The following CDK17 variants were observed in gnomAD, a reference collection of about 807,000 sequenced individuals.
The protein encoded by CDK17 is cyclin-dependent kinase 17.
CDK17 carries 24 observed loss-of-function variants against 77.6 expected under a neutral mutation model. The observed-to-expected ratio is 0.31, with a 90% CI of 0.22 to 0.44. The LOEUF is 0.44. CDK17 is among the 20% of genes least tolerant of loss of function. The pLI, the probability that CDK17 is intolerant of heterozygous loss-of-function variation, is 1.00. For missense variants in CDK17, 429 were observed against 622.5 expected (o/e 0.69, Z 3.31); for synonymous variants, 203 against 210.4 (o/e 0.96, Z 0.30).
At chr12:96,284,334 G>A (rs12823861) in intron 13 of CDK17, 7,856 of 152,034 alleles carry the variant, frequency 0.052, 269 homozygotes, top group Non-Finnish European at 0.063. Context: ...AGGGGCAGGC[G>A]CCTGTAGTCC....
chr12:96,379,259 T>C (rs1041290633), intron 1 of CDK17, among the ~76,000 whole-genome samples: 4 of 152,154 alleles, frequency 2.6e-5, no homozygotes, highest in Admixed American at 1.3e-4. Context: ...GTTTACTGAA[T>C]TACTGTTAAA....
chr12:96,370,647 G>A (rs573828786), intron 1 of CDK17, among the ~76,000 whole-genome samples: 4 of 151,766 alleles, frequency 2.6e-5, no homozygotes, highest in South Asian at 2.1e-4. Context: ...TTCTCTCACC[G>A]GTGTACAATG....
rs1191527425 is a variant in CDK17 at position 96,279,533 on chromosome 12, T to TA, written c.*708dup. On this transcript the variant is annotated 3_prime_UTR_variant, in exon 17 of 17. Transcript: ENST00000261211. ...AGACGTTTCTAAAGTGAGGAACACATAAAAAATAAATAATTTTGGAGCTTT... is the reference window on the plus strand; with the variant it reads ...AGACGTTTCTAAAGTGAGGAACACATAAAAAAATAAATAATTTTGGAGCTTT... The TA allele has an allele frequency of 1.3e-5, 2 of 152,186 alleles. No homozygotes were observed. Among genetic ancestry groups the TA allele is most frequent in the Non-Finnish European group, 2.9e-5 (2 of 67,994 alleles). The allele number at this position is 152,186 out of a possible 1,614,324, so 9.4% of individuals were successfully genotyped here.
At chr12:96,347,591 G>GGGAA in intron 1 of CDK17, among the ~76,000 whole-genome samples, 1 of 12,700 alleles carries the variant, frequency 7.9e-5, no homozygotes, top group Admixed American at 7.0e-4. Flanking sequence ...GGGAGGGGAG[G>GGGAA]GGAAGGGAGG....
intron 2 of CDK17, among the ~76,000 whole-genome samples, chr12:96,328,898 A>G (rs577765597): frequency 3.2e-4 from 48 of 152,298 alleles, no homozygotes; most frequent in Admixed American, 1.1e-3. Flanking sequence ...CCCATGAGAG[A>G]GCCACAATAA....
At chr12:96,329,206 G>C (rs1056268322) in intron 2 of CDK17, among the ~76,000 whole-genome samples, 1 of 152,066 alleles carries the variant, frequency 6.6e-6, no homozygotes, top group Admixed American at 6.6e-5. Context: ...AAAAGTTATA[G>C]ACATGGGTAG....
At chr12:96,280,331 C>T (rs376802798) in intron 16 of CDK17, 52 bp from the exon 17 acceptor site, 2 of 1,541,892 alleles carry the variant, frequency 1.3e-6, no homozygotes, top group Non-Finnish European at 1.7e-6. Flanking sequence ...TTTTATCCCA[C>T]ATACAGTTAT....
chr12:96,352,862 A>G (rs1226251008), intron 1 of CDK17, among the ~76,000 whole-genome samples: 1 of 152,236 alleles, frequency 6.6e-6, no homozygotes, highest in Admixed American at 6.5e-5. Context: ...AATTTTTTAA[A>G]GTATTAGAGT....
intron 1 of CDK17, among the ~76,000 whole-genome samples, chr12:96,391,600 C>T (rs910247811): frequency 2.6e-5 from 4 of 152,052 alleles, no homozygotes; most frequent in Non-Finnish European, 4.4e-5. Context: ...CAGTTTTTTT[C>T]GGTTAAACCA....
chr12:96,351,185 G>A (rs1447082729), intron 1 of CDK17, among the ~76,000 whole-genome samples: 1 of 152,128 alleles, frequency 6.6e-6, no homozygotes, highest in Non-Finnish European at 1.5e-5. Context: ...AGCAGTGTCA[G>A]TGAGGATGTG....
In CDK17 at chr12:96,382,779, C is replaced by T. The variant is rs191293769; in HGVS notation, c.-30+17207G>A. On this transcript the variant is annotated intron_variant, in intron 1 of 16. Transcript: ENST00000261211. ...AAAAGCATATCATCTTCTCAACAGA[C>T]AGAGAAAAAGCTTTCGATAAAACCC... Among the ~76,000 whole-genome samples, 41 of 152,128 alleles carry T rather than the reference C, an allele frequency of 2.7e-4. 1 individual carries two copies. Among genetic ancestry groups the T allele is most frequent in the African/African-American group, 9.9e-4 (41 of 41,528 alleles).
At chr12:96,367,462 A>C (rs1014542661) in intron 1 of CDK17, among the ~76,000 whole-genome samples, 2 of 151,894 alleles carry the variant, frequency 1.3e-5, no homozygotes, top group Non-Finnish European at 2.9e-5. Flanking sequence ...AGAATTTGTT[A>C]CTAACAGTCG....
intron 2 of CDK17, among the ~76,000 whole-genome samples, chr12:96,330,300 A>T (rs893314467): frequency 6.6e-6 from 1 of 152,236 alleles, no homozygotes; most frequent in Non-Finnish European, 1.5e-5. Flanking sequence ...ACAGCAAAAA[A>T]AAAAAAGACA....
intron 10 of CDK17, among the ~76,000 whole-genome samples, chr12:96,292,726 C>T (rs1302028629): frequency 3.9e-5 from 6 of 151,918 alleles, no homozygotes; most frequent in African/African-American, 1.2e-4. Flanking sequence ...TCTCAGAATG[C>T]GGAATACAAA....
intron 2 of CDK17, among the ~76,000 whole-genome samples, chr12:96,326,120 A>G (rs1001342529): frequency 6.6e-6 from 1 of 152,190 alleles, no homozygotes; most frequent in African/African-American, 2.4e-5. Flanking sequence ...AAATTATGCA[A>G]ATCTTTTGCC....
At chr12:96,352,846 G>A (rs527635435) in intron 1 of CDK17, among the ~76,000 whole-genome samples, 2 of 152,276 alleles carry the variant, frequency 1.3e-5, no homozygotes, top group Middle Eastern at 3.4e-3. Flanking sequence ...TACTCAAATA[G>A]ATGACAATTT....
At chr12:96,354,272 A>G (rs1335883095) in intron 1 of CDK17, among the ~76,000 whole-genome samples, 2 of 152,236 alleles carry the variant, frequency 1.3e-5, no homozygotes, top group African/African-American at 4.8e-5. Flanking sequence ...TTTCCACAGT[A>G]GCAAATTTCC....
chr12:96,394,273 T>C (rs575671881), intron 1 of CDK17, among the ~76,000 whole-genome samples: 1 of 151,926 alleles, frequency 6.6e-6, no homozygotes, highest in African/African-American at 2.4e-5. Context: ...CTCACAAGTA[T>C]TTACCAACGT....
At chr12:96,346,079 T>C (rs1953206450) in intron 1 of CDK17, among the ~76,000 whole-genome samples, 1 of 152,194 alleles carries the variant, frequency 6.6e-6, no homozygotes, top group Admixed American at 6.5e-5. Context: ...ATCCCAGGAC[T>C]TTGGGAAGTG....
Sources: allele counts gnomAD v4.1 joint callset (sites outside exome capture counted in the v4.1 genomes callset), GRCh38; gene constraint gnomAD v4.1.1; transcripts MANE v1.5; gene names NCBI Gene and HGNC (gene_info 2026-07-23, HGNC 2026-07-21).